COX7A1: variants seen among roughly 807,000 people sequenced by gnomAD.
COX7A1 encodes the protein cytochrome c oxidase subunit 7A1, mitochondrial.
A neutral mutation model predicts 13.2 loss-of-function variants in COX7A1; 21 were observed. The observed-to-expected ratio is 1.59, with a 90% confidence interval of 1.13 to 2.29. The LOEUF (loss-of-function observed/expected upper bound fraction) is 2.29, where lower values mean the gene tolerates loss of function less well. COX7A1 is among the 30% of genes most tolerant of loss of function. The pLI is 0.00. For missense variants in COX7A1, 107 were observed against 100.0 expected, an observed-to-expected ratio of 1.07 and a Z score of -0.30; for synonymous variants, 41 against 41.9, an observed-to-expected ratio of 0.98 and a Z score of 0.08.
intron 1 of COX7A1, chr19:36,152,171 G>T (rs1477627579): frequency 2.3e-5 from 12 of 531,850 alleles, no homozygotes; most frequent in Non-Finnish European, 4.0e-5. Context: ...GGGTTCCCGA[G>T]ATGTCAAGTT....
rs17879988 is a variant in COX7A1 at position 36,151,950 on chromosome 19, G to C, written c.16-195C>G. On this transcript the variant is annotated intron_variant, in intron 1 of 3. Transcript: ENST00000292907. ...GGGAGGGGACTCGCCCTGGAGTCTG[G>C]CCTGGGGGTGACCGGGCTGCCTAGA... The C allele has an allele frequency of 4.6e-3, 3,283 of 710,444 alleles. 83 individuals are homozygous for C. The African/African-American group carries it at 0.048, about 10-fold the overall frequency. The allele number at this position is 710,444 out of a possible 1,614,324, so 44.0% of individuals were successfully genotyped here.
chr19:36,151,646 C>CCCCCCCCG, intron 2 of COX7A1, 23 bp downstream of exon 2: 1 of 1,156,118 alleles, frequency 8.6e-7, no homozygotes, highest in Non-Finnish European at 1.2e-6. Context: ...CGCGTCGGAT[C>CCCCCCCCG]CCCACCCCCC....
Position 36,151,767 on chromosome 19 carries a change from G to T in COX7A1, c.16-12C>A. 1 of 1,588,676 alleles carries T rather than the reference G, an allele frequency of 6.3e-7. No homozygotes were observed. The highest frequency in any genetic ancestry group is 8.6e-7 in the Non-Finnish European group (1 of 1,167,852). ...AGCGCCTGGGACACCTGCGGGGTGG[G>T]AGGTGGGCGGGTATTGGAGGCACCT... is the stretch of plus-strand genomic sequence containing the variant. On this transcript the variant is annotated splice_polypyrimidine_tract_variant and intron_variant, in intron 1 of 3. Transcript: ENST00000292907.
At chr19:36,152,224 T>C (rs529849973) in intron 1 of COX7A1, among the ~76,000 whole-genome samples, 169 bp downstream of exon 1, 11 of 152,060 alleles carry the variant, frequency 7.2e-5, no homozygotes, top group Non-Finnish European at 1.5e-4. Flanking sequence ...CCCAGTTGTC[T>C]CCGAAGAGTG....
chr19:36,152,414 T>A lies in COX7A1; in HGVS notation c.-7A>T. The A allele has an allele frequency of 7.3e-7, 1 of 1,362,644 alleles. No homozygotes were observed. The highest frequency in any genetic ancestry group is 9.6e-7 in the Non-Finnish European group (1 of 1,045,410). 84.4% of individuals were successfully genotyped at this position (1,362,644 alleles called of 1,614,324 possible). ...TCACCCGAAGGGCCTGCATTCTGCC[T>A]TGTCCTCTTCCGCCGGAGTCACCTC... On this transcript the variant is annotated 5_prime_UTR_variant, in exon 1 of 4. It adds an upstream start codon to the 5' untranslated region. Transcript: ENST00000292907.
rs1568398388 is a variant in COX7A1 at position 36,151,018 on chromosome 19, C to CA, written c.203dup (p.Leu68PhefsTer29). ...GGAAGGAGGCCCAGCCAAGGGAGTA[C>CA]AAGCTGTAGACAGTGCCTAGAAAGG... On this transcript the variant is annotated frameshift_variant, in exon 4 of 4. Coordinates refer to ENST00000292907, the MANE Select transcript of COX7A1 (RefSeq NM_001864.4). LOFTEE classifies it high-confidence loss of function. 1 of 1,613,998 alleles carries CA rather than the reference C, an allele frequency of 6.2e-7. No individual in the cohort carries two copies. The highest frequency in any genetic ancestry group is 1.7e-5 in the Admixed American group (1 of 59,998).
chr19:36,151,709 C>T lies in COX7A1; in HGVS notation c.62G>A (p.Arg21His). 1 of 1,493,654 alleles carries T rather than the reference C, an allele frequency of 6.7e-7. No individual in the cohort carries two copies. Among genetic ancestry groups the T allele is most frequent in the South Asian group, 1.1e-5 (1 of 88,836 alleles). 92.5% of individuals were successfully genotyped at this position (1,493,654 alleles called of 1,614,324 possible). A position where few individuals can be genotyped will look rare whatever the true frequency, so the allele number is the denominator to read the frequency against. The change falls in exon 2 of 4, where the codon CGC becomes CAC. Residue 21 changes from arginine to histidine, a missense_variant. Transcript: ENST00000292907. ...IRSFSSTARN[R>H]FQNRVREKQK... ...TTTCTCGCGCACTCGGTTCTGAAAG[C>T]GGTTCCGGGCGGTGGAGCTGAAGGA...
intron 3 of COX7A1, among the ~76,000 whole-genome samples, chr19:36,151,258 A>G (rs1398787517): frequency 6.6e-6 from 1 of 151,544 alleles, no homozygotes; most frequent in African/African-American, 2.4e-5. Flanking sequence ...CAGCCCCACC[A>G]CTAACCCAGC....
chr19:36,151,356 G>T, intron 3 of COX7A1, 106 bp downstream of exon 3: 1 of 1,263,442 alleles, frequency 7.9e-7, no homozygotes, highest in Non-Finnish European at 1.1e-6. Context: ...CTTCCTAAAC[G>T]CCAACCCCCA....
In COX7A1 at chr19:36,152,401, C is replaced by G; in HGVS notation, c.7G>C (p.Ala3Pro). 3 of 1,373,248 alleles carry G rather than the reference C, an allele frequency of 2.2e-6. No individual in the cohort carries two copies. The highest frequency in any genetic ancestry group is 2.9e-6 in the Non-Finnish European group (3 of 1,052,388). The allele number at this position is 1,373,248 out of a possible 1,614,324, so 85.1% of individuals were successfully genotyped here. A position where few individuals can be genotyped will look rare whatever the true frequency, so the allele number is the denominator to read the frequency against. MQ[A>P]LRVSQALIRS... ...GCCCATGGGGGCCTCACCCGAAGGG[C>G]CTGCATTCTGCCTTGTCCTCTTCCG... The change falls in exon 1 of 4, where the codon GCC becomes CCC. Residue 3 changes from alanine (A) to proline (P), a missense_variant. Coordinates refer to ENST00000292907, the MANE Select transcript of COX7A1 (RefSeq NM_001864.4).
At chr19:36,151,210 C>G (rs540739993) in intron 3 of COX7A1, among the ~76,000 whole-genome samples, 176 bp from the exon 4 acceptor site, 16 of 152,210 alleles carry the variant, frequency 1.1e-4, no homozygotes, top group Middle Eastern at 3.4e-3. Flanking sequence ...TGATCTAGAC[C>G]GGGCTGGGAG....
intron 1 of COX7A1, chr19:36,152,132 T>G (rs1974783236): frequency 3.5e-6 from 2 of 577,516 alleles, no homozygotes; most frequent in Non-Finnish European, 6.2e-6. Flanking sequence ...CCAGGCTGCC[T>G]GAGAAGGCCC....
chr19:36,151,916 A>G (rs781547282), intron 1 of COX7A1, 161 bp from the exon 2 acceptor site: 2 of 765,680 alleles, frequency 2.6e-6, no homozygotes, highest in South Asian at 1.5e-5. Context: ...GCGAACTGCC[A>G]GCTGGGTTGG....
At chr19:36,151,645 T>TGGCCCCCCCCCCCCC in intron 2 of COX7A1, 24 bp downstream of exon 2, 1 of 1,387,626 alleles carries the variant, frequency 7.2e-7, no homozygotes, top group Non-Finnish European at 9.9e-7. Context: ...GCGCGTCGGA[T>TGGCCCCCCCCCCCCC]CCCCACCCCC....
intron 2 of COX7A1, 40 bp downstream of exon 2, chr19:36,151,629 C>G: frequency 6.2e-7 from 1 of 1,607,524 alleles, no homozygotes; most frequent in Non-Finnish European, 8.5e-7. Flanking sequence ...GGCGCGCTCC[C>G]GGCTGGCGCG....
Position 36,151,529 on chromosome 19 carries a change from C to A in COX7A1, c.120G>T (p.Pro40=). The part of the protein sequence containing the change: ...QKLFQEDNDI[P]LYLKGGIVDN... Reference sequence around the variant, plus strand: ...CAACGATGCCGCCCTTCAGGTACAACGGGATGTCATTGTCCTCCTGGATGT... The same window carrying A: ...CAACGATGCCGCCCTTCAGGTACAAAGGGATGTCATTGTCCTCCTGGATGT... The change falls in exon 3 of 4, where the codon CCG becomes CCT. Residue 40 remains proline (P), a synonymous_variant. Coordinates refer to ENST00000292907, the MANE Select transcript of COX7A1 (RefSeq NM_001864.4). The A allele has an allele frequency of 1.2e-6, 2 of 1,614,182 alleles. No homozygotes were observed. The highest frequency in any genetic ancestry group is 1.7e-6 in the Non-Finnish European group (2 of 1,180,022).
intron 2 of COX7A1, 22 bp downstream of exon 2, chr19:36,151,647 C>CCCCCCCG: frequency 7.4e-7 from 1 of 1,352,758 alleles, no homozygotes; most frequent in Non-Finnish European, 1.0e-6. Flanking sequence ...GCGTCGGATC[C>CCCCCCCG]CCACCCCCCC....
Position 36,151,516 on chromosome 19 carries a change from C to T in COX7A1, c.133G>A (p.Gly45Ser). Residue 45 changes from glycine (G) to serine (S), a missense_variant, in exon 3 of 4, where the codon GGC (glycine) becomes AGC (serine). Transcript: ENST00000292907. ...TACAGGATGTTGTCAACGATGCCGC[C>T]CTTCAGGTACAACGGGATGTCATTG... Reference protein sequence around the residue: ...EDNDIPLYLKGGIVDNILYRV... With the variant: ...EDNDIPLYLKSGIVDNILYRV... 2 of 1,614,210 alleles carry T rather than the reference C, an allele frequency of 1.2e-6. No individual in the cohort carries two copies. Among genetic ancestry groups the T allele is most frequent in the South Asian group, 2.2e-5 (2 of 91,090 alleles).
chr19:36,151,655 C>CCCCCCCCCCCCCA lies in COX7A1; in HGVS notation c.102+13_102+14insTGGGGGGGGGGGG. On this transcript the variant is annotated intron_variant, in intron 2 of 3. Transcript: ENST00000292907. ...GGCTGGCGCGTCGGATCCCCACCCC[C>CCCCCCCCCCCCCA]CCCGACCCCCCACCTGGAAGAGCTT... is the stretch of plus-strand genomic sequence containing the variant. 1 of 1,442,194 alleles carries CCCCCCCCCCCCCA rather than the reference C, an allele frequency of 6.9e-7. No homozygotes were observed. The highest frequency in any genetic ancestry group is 1.9e-5 in the African/African-American group (1 of 51,322). 89.3% of individuals were successfully genotyped at this position (1,442,194 alleles called of 1,614,324 possible).
Sources: gnomAD v4.1 joint callset for allele counts (sites outside exome capture counted in the v4.1 genomes callset) on GRCh38, gnomAD v4.1.1 for gene constraint, MANE v1.5 for transcripts, NCBI Gene and HGNC (gene_info 2026-07-23, HGNC 2026-07-21) for gene names.